Variants in AGBL1 observed in about 807,000 individuals in gnomAD.
The protein encoded by AGBL1 is AGBL carboxypeptidase 1, also known as cytosolic carboxypeptidase 4.
In AGBL1, 130 loss-of-function variants were observed where a neutral mutation model predicts 118.9. The observed-to-expected ratio is 1.09, with a 90% CI of 0.95 to 1.26. The LOEUF (loss-of-function observed/expected upper bound fraction) is 1.26, where lower values mean the gene tolerates loss of function less well. Ranked by LOEUF, AGBL1 falls within the 50% of genes most tolerant of loss-of-function variation. The probability of loss-of-function intolerance (pLI) is 0.00; values close to 1 mark genes in which losing one functional copy is unlikely to be tolerated. For synonymous variants in AGBL1, 555 were observed against 478.9 expected (o/e 1.16, Z -2.08); for missense variants, 1,584 against 1,298.1 (o/e 1.22, Z -3.38).
chr15:86,211,580 A>G (rs6496312), intron 5 of AGBL1, among the ~76,000 whole-genome samples: 94,275 of 152,106 alleles, frequency 0.62, 31,153 homozygotes, highest in African/African-American at 0.85. Flanking sequence ...CTGCTACCTC[A>G]CAGGTCGATC....
chr15:86,791,728 T>TTATATATATATATATA (rs3059670), intron 22 of AGBL1, among the ~76,000 whole-genome samples: 164 of 142,866 alleles, frequency 1.1e-3, no homozygotes, highest in African/African-American at 3.9e-3. Flanking sequence ...TCCTTGTTTT[T>TTATATATATATATATA]TATATATATA....
At chr15:86,714,389 A>G (rs936194055) in intron 22 of AGBL1, among the ~76,000 whole-genome samples, 5 of 152,208 alleles carry the variant, frequency 3.3e-5, no homozygotes, top group Non-Finnish European at 7.4e-5. Flanking sequence ...CAAACAGATC[A>G]TAAGATAAAC....
At chr15:86,209,611 A>G (rs2078056740) in intron 5 of AGBL1, among the ~76,000 whole-genome samples, 1 of 151,816 alleles carries the variant, frequency 6.6e-6, no homozygotes, top group African/African-American at 2.4e-5. Context: ...TTAAAGTCTG[A>G]TTTATCAGAC....
chr15:86,593,914 CTGAT>C (rs1414841880), intron 21 of AGBL1, among the ~76,000 whole-genome samples: 1 of 151,518 alleles, frequency 6.6e-6, no homozygotes, highest in Admixed American at 6.6e-5. Context: ...TTGTGTGACA[CTGAT>C]TGATTTTTTT....
chr15:86,888,461 C>G (rs1444041873), intron 22 of AGBL1, among the ~76,000 whole-genome samples: 2 of 151,948 alleles, frequency 1.3e-5, no homozygotes, highest in Non-Finnish European at 2.9e-5. Flanking sequence ...GAAATTCACA[C>G]TGTCGATTCT....
chr15:86,909,303 G>T lies in AGBL1; in HGVS notation c.*2009G>T, dbSNP rs1210816758. On this transcript the variant is annotated 3_prime_UTR_variant, in exon 23 of 23. Transcript: ENST00000614907. ...ATACATATTGGGAGATTACATATCTGCCAAAAGACTTCTCCTGATGTTCCA... is the reference window on the plus strand; with the variant it reads ...ATACATATTGGGAGATTACATATCTTCCAAAAGACTTCTCCTGATGTTCCA... 2 of 152,174 alleles carry T rather than the reference G, an allele frequency of 1.3e-5. No homozygotes were observed. Among genetic ancestry groups the T allele is most frequent in the Non-Finnish European group, 2.9e-5 (2 of 68,030 alleles). The allele number at this position is 152,174 out of a possible 1,614,324, so 9.4% of individuals were successfully genotyped here.
chr15:86,507,501 C>A (rs1005923941), intron 18 of AGBL1, among the ~76,000 whole-genome samples: 1 of 152,042 alleles, frequency 6.6e-6, no homozygotes, highest in East Asian at 1.9e-4. Context: ...AGCCTACACT[C>A]TAGTGGGGAA....
intron 22 of AGBL1, among the ~76,000 whole-genome samples, chr15:86,850,841 GA>G (rs1288246613): frequency 3.3e-5 from 5 of 151,920 alleles, no homozygotes; most frequent in African/African-American, 4.8e-5. Context: ...AAAACAAAAT[GA>G]AAAGATAGTT....
At chr15:86,396,342 A>G (rs1482272491) in intron 17 of AGBL1, among the ~76,000 whole-genome samples, 3 of 151,610 alleles carry the variant, frequency 2.0e-5, no homozygotes, top group African/African-American at 7.3e-5. Context: ...TTTCAGCACT[A>G]TGATACTCCA....
rs190769591 is a variant in AGBL1 at position 86,646,359 on chromosome 15, T to C, written c.2995-27914T>C. Among the ~76,000 whole-genome samples the C allele has an allele frequency of 1.1e-4, 16 of 152,326 alleles. No individual in the cohort carries two copies. In the East Asian group the frequency reaches 2.9e-3, roughly 28 times the overall value. ...TGGCTATTAGCAGGTTTCCTGAAAA[T>C]AGGAATGTTAGACCCTAGACAGTCC... is the stretch of plus-strand genomic sequence containing the variant. On this transcript the variant is annotated intron_variant, in intron 21 of 22. Coordinates refer to ENST00000614907, the MANE Select transcript of AGBL1 (RefSeq NM_001386094.1).
intron 1 of AGBL1, among the ~76,000 whole-genome samples, chr15:86,086,636 C>T (rs1171838811): frequency 6.6e-6 from 1 of 152,082 alleles, no homozygotes; most frequent in African/African-American, 2.4e-5. Context: ...TCTTTTTTCT[C>T]TCCTTTCTGC....
At chr15:87,027,050 G>T (rs2081735391) in intron 24 of AGBL1, among the ~76,000 whole-genome samples, 1 of 151,978 alleles carries the variant, frequency 6.6e-6, no homozygotes, top group Non-Finnish European at 1.5e-5. Flanking sequence ...CTGCTTGGGT[G>T]ATGGGTGCAC....
At chr15:86,111,020 T>A (rs1431181752) in intron 1 of AGBL1, among the ~76,000 whole-genome samples, 3 of 152,240 alleles carry the variant, frequency 2.0e-5, no homozygotes, top group African/African-American at 7.2e-5. Flanking sequence ...AAGCAAGGCA[T>A]GAGGAGTGAA....
intron 1 of AGBL1, among the ~76,000 whole-genome samples, chr15:86,121,135 T>G (rs1412205224): frequency 6.6e-6 from 1 of 152,138 alleles, no homozygotes; most frequent in African/African-American, 2.4e-5. Context: ...TGACCTCAGG[T>G]GATCTGCCCG....
chr15:86,425,166 T>C (rs2081851364), intron 18 of AGBL1, among the ~76,000 whole-genome samples: 1 of 152,068 alleles, frequency 6.6e-6, no homozygotes, highest in South Asian at 2.1e-4. Flanking sequence ...ATAGGCTGGA[T>C]AAAGAAAATG....
intron 12 of AGBL1, among the ~76,000 whole-genome samples, chr15:86,266,663 G>T (rs1597652110): frequency 6.6e-6 from 1 of 152,188 alleles, no homozygotes; most frequent in East Asian, 1.9e-4. Context: ...AGCACTTTGG[G>T]AGCCCGAGGC....
At chr15:86,780,767 A>G (rs1157132357) in intron 22 of AGBL1, among the ~76,000 whole-genome samples, 1 of 151,478 alleles carries the variant, frequency 6.6e-6, no homozygotes, top group East Asian at 1.9e-4. Flanking sequence ...GGGTTCAAGC[A>G]ATTCTCCTGC....
intron 23 of AGBL1, among the ~76,000 whole-genome samples, chr15:86,986,383 C>CAT (rs752417717): frequency 6.6e-6 from 1 of 152,154 alleles, no homozygotes; most frequent in Non-Finnish European, 1.5e-5. Context: ...TTTACACACA[C>CAT]ATATACACAC....
At chr15:86,188,554 C>T (rs563440415) in intron 5 of AGBL1, among the ~76,000 whole-genome samples, 5 of 152,090 alleles carry the variant, frequency 3.3e-5, no homozygotes, top group Admixed American at 3.3e-4. Context: ...AAGATATTAC[C>T]TGCTAAATGT....
Sources: gnomAD v4.1 joint callset for allele counts (sites outside exome capture counted in the v4.1 genomes callset) on GRCh38, gnomAD v4.1.1 for gene constraint, MANE v1.5 for transcripts, NCBI Gene and HGNC (gene_info 2026-07-23, HGNC 2026-07-21) for gene names.